The following ZMYM2 variants were observed in gnomAD, a reference collection of about 807,000 sequenced individuals.
The protein encoded by ZMYM2 is zinc finger MYM-type protein 2.
ZMYM2 carries 56 observed loss-of-function variants against 162.8 expected under a neutral mutation model. That is an observed-to-expected ratio of 0.34 (90% CI 0.28 to 0.43). ZMYM2 has a LOEUF of 0.43. ZMYM2 is among the 20% of genes least tolerant of loss of function. The probability of loss-of-function intolerance (pLI) is 1.00; values close to 1 mark genes in which losing one functional copy is unlikely to be tolerated. For missense variants in ZMYM2, 1,275 were observed against 1,621.8 expected, an observed-to-expected ratio of 0.79 and a Z score of 3.67; for synonymous variants, 510 against 541.6, an observed-to-expected ratio of 0.94 and a Z score of 0.81.
chr13:20,051,124 C>T (rs1270973468), intron 12 of ZMYM2, among the ~76,000 whole-genome samples: 1 of 151,898 alleles, frequency 6.6e-6, no homozygotes, highest in Non-Finnish European at 1.5e-5. Context: ...TTATATGGCC[C>T]TCAAAATTAT....
At chr13:19,958,596 G>C (rs1280303072), upstream of ZMYM2, 6 of 151,964 alleles carry the variant, frequency 3.9e-5, no homozygotes, top group African/African-American at 1.5e-4. Context: ...ACCGAGGGGG[G>C]GCCCTGAAGG....
the ZMYM2 span, among the ~76,000 whole-genome samples, chr13:19,897,756 A>G: frequency 1.3e-5 from 2 of 152,200 alleles, no homozygotes; most frequent in African/African-American, 4.8e-5. Flanking sequence ...ATGTGTATAT[A>G]TTATATATGT....
At chr13:20,057,358 G>A (rs1383551462) in intron 14 of ZMYM2, among the ~76,000 whole-genome samples, 5 of 151,738 alleles carry the variant, frequency 3.3e-5, no homozygotes, top group East Asian at 1.9e-4. Context: ...GGCTGGTTTC[G>A]AACTCCTGAC....
chr13:19,878,517 C>CCCCCTTTTTTTTTTTTTTTTT, the ZMYM2 span, among the ~76,000 whole-genome samples: 1 of 99,028 alleles, frequency 1.0e-5, no homozygotes, highest in Non-Finnish European at 2.1e-5. Flanking sequence ...TTCCTTTGCC[C>CCCCCTTTTTTTTTTTTTTTTT]TTTTTTTTTT....
chr13:20,052,120 C>A (rs1178017110), intron 13 of ZMYM2, among the ~76,000 whole-genome samples, 157 bp from the exon 14 acceptor site: 1 of 151,982 alleles, frequency 6.6e-6, no homozygotes, highest in Non-Finnish European at 1.5e-5. Flanking sequence ...CTGTATATTT[C>A]TATACTTTAT....
the ZMYM2 span, among the ~76,000 whole-genome samples, chr13:19,951,877 G>A: frequency 1.3e-3 from 191 of 152,166 alleles, no homozygotes; most frequent in Admixed American, 2.0e-3. Flanking sequence ...CAGTAATCCC[G>A]CTAGTGAGTA....
the ZMYM2 span, among the ~76,000 whole-genome samples, chr13:19,918,592 G>A: frequency 5.1e-5 from 7 of 136,796 alleles, no homozygotes; most frequent in African/African-American, 1.1e-4. Flanking sequence ...TCTGCCACCC[G>A]GGTTCAAGCG....
chr13:19,986,827 G>C (rs1949186111), intron 2 of ZMYM2, among the ~76,000 whole-genome samples: 1 of 151,852 alleles, frequency 6.6e-6, no homozygotes, highest in South Asian at 2.1e-4. Context: ...CCTCAGCGGG[G>C]CACGGTGGCT....
the ZMYM2 span, among the ~76,000 whole-genome samples, chr13:19,883,859 T>C: frequency 6.6e-6 from 1 of 152,106 alleles, no homozygotes; most frequent in African/African-American, 2.4e-5. Flanking sequence ...CAAGTTTGAG[T>C]AACTCTCCTG....
chr13:20,022,643 G>A (rs973347094), intron 7 of ZMYM2, among the ~76,000 whole-genome samples: 3 of 151,984 alleles, frequency 2.0e-5, no homozygotes, highest in African/African-American at 4.8e-5. Flanking sequence ...AAAACATGAT[G>A]GTATATACAT....
chr13:20,007,348 G>C (rs1360294781), intron 6 of ZMYM2, among the ~76,000 whole-genome samples: 1 of 152,002 alleles, frequency 6.6e-6, no homozygotes, highest in Admixed American at 6.6e-5. Flanking sequence ...TGTTAGCCAG[G>C]CTGGTCTCGA....
Position 20,006,560 on chromosome 13 carries a change from C to G in ZMYM2, c.1486C>G (p.Gln496Glu). ...TGGTCAACAGAAAAGATTTTGCTGT[C>G]AAAGTTGTGTCAGTGAATACAAACA... Reference protein sequence around the residue: ...IDGQQKRFCCQSCVSEYKQVG... With the variant: ...IDGQQKRFCCESCVSEYKQVG... Residue 496 changes from glutamine to glutamate, a missense_variant, in exon 6 of 25, where the codon CAA becomes GAA. Gln to Glu is a conservative substitution (Grantham distance 29). Around this residue, in one of 10 missense-constraint regions of ZMYM2, gnomAD observed 276 missense variants for 311.8 expected, o/e 0.89. Coordinates refer to ENST00000610343, the MANE Select transcript of ZMYM2 (RefSeq NM_197968.4). The G allele has an allele frequency of 2.5e-6, 4 of 1,613,726 alleles. No individual in the cohort carries two copies. Among genetic ancestry groups the G allele is most frequent in the Non-Finnish European group, 3.4e-6 (4 of 1,179,830 alleles).
chr13:20,081,157 A>G (rs150316413), intron 21 of ZMYM2, among the ~76,000 whole-genome samples: 2 of 152,166 alleles, frequency 1.3e-5, no homozygotes, highest in East Asian at 3.9e-4. Flanking sequence ...TTGTGATTCC[A>G]CTTTATTTCC....
chr13:20,059,884 A>T (rs1171647026), intron 16 of ZMYM2, among the ~76,000 whole-genome samples: 2 of 152,134 alleles, frequency 1.3e-5, no homozygotes, highest in Non-Finnish European at 2.9e-5. Flanking sequence ...AAATGTAAAA[A>T]TTAGCCAGGC....
At chr13:19,864,940 C>T in the ZMYM2 span, 2 of 152,306 alleles carry the variant, frequency 1.3e-5, no homozygotes, top group African/African-American at 2.4e-5. Context: ...GCTTTCGTCT[C>T]GCCCTGGCGG....
intron 12 of ZMYM2, among the ~76,000 whole-genome samples, chr13:20,050,606 T>A (rs1171907530): frequency 6.6e-6 from 1 of 152,004 alleles, no homozygotes; most frequent in Non-Finnish European, 1.5e-5. Context: ...ATACATCACT[T>A]ATATTTTCGT....
chr13:19,923,709 T>C, the ZMYM2 span, among the ~76,000 whole-genome samples: 24 of 132,262 alleles, frequency 1.8e-4, no homozygotes, highest in African/African-American at 6.8e-4. Flanking sequence ...CTCGCTCTGT[T>C]GCCCAGGCTG....
intron 2 of ZMYM2, among the ~76,000 whole-genome samples, chr13:19,967,666 G>A (rs1318215565): frequency 6.6e-6 from 1 of 152,192 alleles, no homozygotes; most frequent in African/African-American, 2.4e-5. Flanking sequence ...TATCAGGCAA[G>A]TCATGTAACA....
At chr13:20,002,654 T>C (rs936957830) in intron 3 of ZMYM2, among the ~76,000 whole-genome samples, 196 bp from the exon 4 acceptor site, 5 of 152,196 alleles carry the variant, frequency 3.3e-5, no homozygotes, top group Non-Finnish European at 7.3e-5. Context: ...TGTTAACTAT[T>C]TTAAAGAATG....
Sources: gnomAD v4.1 joint callset for allele counts (sites outside exome capture counted in the v4.1 genomes callset) on GRCh38, gnomAD v4.1.1 for gene constraint, gnomAD v4.1.1 regional missense constraint, MANE v1.5 for transcripts, NCBI Gene and HGNC (gene_info 2026-07-23, HGNC 2026-07-21) for gene names.